The following GABRB1 variants were observed in gnomAD, a reference collection of about 807,000 sequenced individuals.
The protein encoded by GABRB1 is gamma-aminobutyric acid receptor subunit beta-1.
A neutral mutation model predicts 51.6 loss-of-function variants in GABRB1; 17 were observed. That is an observed-to-expected ratio of 0.33 (90% CI 0.23 to 0.49). The LOEUF is 0.49. Among genes scored for constraint, GABRB1 ranks in the 20% least tolerant of loss-of-function variants. The pLI is 0.99. For missense variants in GABRB1, 410 were observed against 600.6 expected, an observed-to-expected ratio of 0.68 and a Z score of 3.32; for synonymous variants, 247 against 218.9, an observed-to-expected ratio of 1.13 and a Z score of -1.14.
At chr4:47,244,847 G>A (rs139486891) in intron 4 of GABRB1, among the ~76,000 whole-genome samples, 1 of 152,312 alleles carries the variant, frequency 6.6e-6, no homozygotes, top group African/African-American at 2.4e-5. Context: ...TTAAAGCAGT[G>A]TGTACAGGGA....
chr4:47,243,050 A>G (rs1437981219), intron 4 of GABRB1, among the ~76,000 whole-genome samples: 3 of 152,130 alleles, frequency 2.0e-5, no homozygotes, highest in Non-Finnish European at 4.4e-5. Flanking sequence ...TCCATCTTGA[A>G]TTAATTTTTG....
chr4:47,074,194 G>A (rs1025636563), intron 3 of GABRB1, among the ~76,000 whole-genome samples: 4 of 151,966 alleles, frequency 2.6e-5, no homozygotes. Flanking sequence ...ATCCCTACAA[G>A]CAAATACACT....
intron 4 of GABRB1, among the ~76,000 whole-genome samples, chr4:47,269,940 A>ACACACACACACACG (rs1445255095): frequency 6.7e-6 from 1 of 148,620 alleles, no homozygotes; most frequent in Non-Finnish European, 1.5e-5. Flanking sequence ...CTCCCTACAC[A>ACACACACACACACG]CACACACACA....
chr4:47,165,815 T>G (rs949568063), intron 4 of GABRB1, among the ~76,000 whole-genome samples: 1 of 152,092 alleles, frequency 6.6e-6, no homozygotes, highest in South Asian at 2.1e-4. Context: ...GTTCATATCA[T>G]TTGATTTTCT....
At chr4:47,088,169 G>A (rs1048589168) in intron 3 of GABRB1, among the ~76,000 whole-genome samples, 4 of 152,226 alleles carry the variant, frequency 2.6e-5, no homozygotes, top group South Asian at 2.1e-4. Flanking sequence ...AGAAAAACAC[G>A]AGGCATTAGA....
At chr4:47,247,367 C>T (rs545092888) in intron 4 of GABRB1, among the ~76,000 whole-genome samples, 154 of 152,124 alleles carry the variant, frequency 1.0e-3, no homozygotes, top group African/African-American at 3.5e-3. Flanking sequence ...CTATTCTGTT[C>T]CATTGGTCTG....
intron 3 of GABRB1, among the ~76,000 whole-genome samples, chr4:47,099,929 G>A (rs1441268939): frequency 4.0e-5 from 6 of 151,510 alleles, no homozygotes; most frequent in South Asian, 2.1e-4. Flanking sequence ...TTGTAATTTC[G>A]CCTACATGAT....
intron 4 of GABRB1, among the ~76,000 whole-genome samples, chr4:47,246,277 C>CATATATATATATATAT (rs1160512931): frequency 2.6e-4 from 19 of 72,744 alleles, no homozygotes; most frequent in African/African-American, 9.0e-4. Context: ...AGTATTCCAT[C>CATATATATATATATAT]ATATATATAT....
At chr4:47,030,567 C>A (rs1359527662), upstream of GABRB1, among the ~76,000 whole-genome samples, 3 of 152,040 alleles carry the variant, frequency 2.0e-5, no homozygotes, top group African/African-American at 4.8e-5. Flanking sequence ...CCCAGAATGC[C>A]CACAACAAAA....
chr4:47,153,069 A>T (rs986125940), intron 3 of GABRB1, among the ~76,000 whole-genome samples: 2 of 151,958 alleles, frequency 1.3e-5, no homozygotes, highest in Non-Finnish European at 2.9e-5. Context: ...TACACAGGTG[A>T]TGGAAGAACT....
chr4:47,421,057 T>C (rs929679359), intron 8 of GABRB1, among the ~76,000 whole-genome samples: 27 of 152,262 alleles, frequency 1.8e-4, no homozygotes, highest in Admixed American at 1.7e-3. Flanking sequence ...AATTGTTATA[T>C]AGCTACTTTA....
At chr4:47,344,607 A>G (rs1030772996) in intron 5 of GABRB1, among the ~76,000 whole-genome samples, 1 of 152,204 alleles carries the variant, frequency 6.6e-6, no homozygotes, top group Non-Finnish European at 1.5e-5. Flanking sequence ...CACAAGCGCT[A>G]TAACTCATGC....
At chr4:47,376,111 A>G (rs1727365691) in intron 5 of GABRB1, among the ~76,000 whole-genome samples, 1 of 152,218 alleles carries the variant, frequency 6.6e-6, no homozygotes, top group South Asian at 2.1e-4. Context: ...AAGAGTGGAA[A>G]TACTATCCAA....
intron 3 of GABRB1, among the ~76,000 whole-genome samples, chr4:47,143,155 G>T (rs1717002626): frequency 6.6e-6 from 1 of 151,804 alleles, no homozygotes; most frequent in African/African-American, 2.4e-5. Flanking sequence ...TGATACTACG[G>T]AATAAGAACA....
At chr4:47,140,667 A>G (rs540972699) in intron 3 of GABRB1, among the ~76,000 whole-genome samples, 363 of 151,946 alleles carry the variant, frequency 2.4e-3, no homozygotes, top group Middle Eastern at 0.01. Flanking sequence ...AACTCCCACC[A>G]TGAGAAAGTG....
chr4:47,013,550 A>T (rs28463769), intron 1 of GABRB1, among the ~76,000 whole-genome samples: 3,650 of 152,292 alleles, frequency 0.024, 132 homozygotes, highest in African/African-American at 0.084. Context: ...GTCCAACCTG[A>T]TAATGCTAAA....
At chr4:47,312,495 T>G (rs1422556353) in intron 4 of GABRB1, among the ~76,000 whole-genome samples, 1 of 152,196 alleles carries the variant, frequency 6.6e-6, no homozygotes, top group Non-Finnish European at 1.5e-5. Context: ...CTTTGTGTAA[T>G]GTAACTAACA....
intron 3 of GABRB1, among the ~76,000 whole-genome samples, chr4:47,045,294 C>A (rs557267766): frequency 6.6e-5 from 10 of 152,172 alleles, no homozygotes; most frequent in Admixed American, 2.0e-4. Context: ...GCCTGAATTT[C>A]TCTTTAAAAT....
chr4:47,303,381 T>C (rs1048627751), intron 4 of GABRB1, among the ~76,000 whole-genome samples: 1 of 128,510 alleles, frequency 7.8e-6, no homozygotes, highest in African/African-American at 3.0e-5. Context: ...TCTCTCTCTC[T>C]CTCTCTATAT....
Sources: allele counts gnomAD v4.1 joint callset (sites outside exome capture counted in the v4.1 genomes callset), GRCh38; gene constraint gnomAD v4.1.1; transcripts MANE v1.5; gene names NCBI Gene and HGNC (gene_info 2026-07-23, HGNC 2026-07-21).